ERGIC1: variants seen among roughly 807,000 people sequenced by gnomAD.
ERGIC1 encodes the protein endoplasmic reticulum-Golgi intermediate compartment protein 1.
Under a neutral mutation model 38.3 loss-of-function variants are expected in ERGIC1, and 19 were observed. That is an observed-to-expected ratio of 0.50 (90% confidence interval 0.35 to 0.73). ERGIC1 has a LOEUF of 0.73. Ranked by LOEUF, ERGIC1 falls within the 30% of genes least tolerant of loss-of-function variation. ERGIC1 has a pLI of 0.01. For missense variants in ERGIC1, 294 were observed against 389.2 expected (o/e 0.76, Z 2.06); for synonymous variants, 124 against 157.6 (o/e 0.79, Z 1.60).
chr5:172,909,168 C>CTTTTTTTTTTTTTTTT lies in ERGIC1; in HGVS notation c.156-496_156-481dup, dbSNP rs70984920. Among the ~76,000 whole-genome samples the CTTTTTTTTTTTTTTTT allele has an allele frequency of 4.5e-4, 36 of 80,864 alleles. 1 individual carries two copies. The highest frequency in any genetic ancestry group is 5.7e-4 in the Non-Finnish European group (24 of 42,226). The allele number at this position is 80,864 out of a possible 152,430, so 53.0% of individuals were successfully genotyped here. ...CTTTCCTGAGCCCCAGCCCTCCCCT[C>CTTTTTTTTTTTTTTTT]TTTTTTTTTTTTTTTTTTGAGACGG... On this transcript the variant is annotated intron_variant, in intron 3 of 9. Transcript: ENST00000393784.
intron 9 of ERGIC1, among the ~76,000 whole-genome samples, chr5:172,945,959 C>T (rs1241579036): frequency 1.3e-5 from 2 of 152,242 alleles, no homozygotes; most frequent in Non-Finnish European, 2.9e-5. Context: ...GCAGGGGTTG[C>T]AGGCATGAGC....
intron 1 of ERGIC1, among the ~76,000 whole-genome samples, chr5:172,881,731 G>A (rs116674192): frequency 0.02 from 3,034 of 152,306 alleles, 52 homozygotes; most frequent in Middle Eastern, 0.048. Flanking sequence ...AGGTGTGTGA[G>A]CCTAGCCAAG....
At chr5:172,844,126 G>C (rs567120884) in intron 1 of ERGIC1, among the ~76,000 whole-genome samples, 45 of 152,334 alleles carry the variant, frequency 3.0e-4, no homozygotes, top group African/African-American at 9.6e-4. Flanking sequence ...GTCAGACCCA[G>C]AGTTAGACCC....
At chr5:172,919,494 T>C (rs931146871) in intron 5 of ERGIC1, among the ~76,000 whole-genome samples, 6 of 152,080 alleles carry the variant, frequency 3.9e-5, no homozygotes, top group Admixed American at 1.3e-4. Flanking sequence ...TCTGCTCCCC[T>C]TAGAATGGGC....
chr5:172,840,513 C>T (rs969266316), intron 1 of ERGIC1, among the ~76,000 whole-genome samples: 4 of 152,092 alleles, frequency 2.6e-5, no homozygotes, highest in Admixed American at 2.0e-4. Flanking sequence ...ACAGCCAAGA[C>T]GGAGGAGAAG....
intron 1 of ERGIC1, among the ~76,000 whole-genome samples, chr5:172,875,977 G>A (rs796071028): frequency 1.3e-5 from 2 of 152,310 alleles, no homozygotes; most frequent in African/African-American, 4.8e-5. Flanking sequence ...CTGTAAACTG[G>A]TGGTTAGATC....
intron 9 of ERGIC1, 66 bp from the exon 10 acceptor site, chr5:172,950,643 G>A: frequency 1.4e-6 from 2 of 1,442,154 alleles, no homozygotes; most frequent in Non-Finnish European, 1.9e-6. Context: ...TGTGGGAGGG[G>A]TCTGGCCTGG....
chr5:172,894,754 G>A (rs868225604), intron 2 of ERGIC1, among the ~76,000 whole-genome samples: 33 of 152,292 alleles, frequency 2.2e-4, no homozygotes, highest in South Asian at 1.7e-3. Flanking sequence ...CATGGGCACC[G>A]CCCCCCTCAA....
intron 1 of ERGIC1, among the ~76,000 whole-genome samples, chr5:172,877,237 G>A (rs1013426219): frequency 6.6e-6 from 1 of 151,930 alleles, no homozygotes; most frequent in African/African-American, 2.4e-5. Context: ...TGAATCTATG[G>A]ATAAATTTGG....
At chr5:172,932,266 C>A (rs964645091) in intron 7 of ERGIC1, among the ~76,000 whole-genome samples, 170 bp from the exon 8 acceptor site, 9 of 152,202 alleles carry the variant, frequency 5.9e-5, no homozygotes, top group African/African-American at 1.9e-4. Flanking sequence ...TAGAGTCTCC[C>A]AATTCCCGGT....
In ERGIC1 at chr5:172,834,292, G is replaced by GAGTGGCT; in HGVS notation, c.-118_-117insGCTAGTG. 1 of 956,036 alleles carries GAGTGGCT rather than the reference G, an allele frequency of 1.0e-6. No homozygotes were observed. Among genetic ancestry groups the GAGTGGCT allele is most frequent in the South Asian group, 5.0e-5 (1 of 20,196 alleles). 59.2% of individuals were successfully genotyped at this position (956,036 alleles called of 1,614,324 possible). ...AGGCGAGTGGCGAGTGGCGAGTGGC[G>GAGTGGCT]AGTGTCAGGGGGGCGGCCGGCGGGG... On this transcript the variant is annotated 5_prime_UTR_variant, in exon 1 of 10. Coordinates refer to ENST00000393784, the MANE Select transcript of ERGIC1 (RefSeq NM_001031711.3). The surrounding 1 kb of genome is among the most constrained non-coding windows in gnomAD (Gnocchi z 4.1).
chr5:172,922,272 A>G (rs1763539624), intron 5 of ERGIC1: 2 of 152,276 alleles, frequency 1.3e-5, no homozygotes, highest in Non-Finnish European at 2.9e-5. Context: ...TTTCTGTAAA[A>G]TGGGAATTAT....
intron 1 of ERGIC1, among the ~76,000 whole-genome samples, chr5:172,849,209 C>T (rs1272777572): frequency 1.3e-5 from 2 of 152,198 alleles, no homozygotes; most frequent in Non-Finnish European, 2.9e-5. Context: ...GTAATGCTTT[C>T]AGTTAGATCA....
chr5:172,861,429 G>A (rs970186077), intron 1 of ERGIC1, among the ~76,000 whole-genome samples: 1 of 152,194 alleles, frequency 6.6e-6, no homozygotes, highest in Non-Finnish European at 1.5e-5. Flanking sequence ...TGGGAACCTC[G>A]GTTCCTCAGA....
intron 1 of ERGIC1, among the ~76,000 whole-genome samples, chr5:172,872,116 A>G (rs1762029757): frequency 6.6e-6 from 1 of 152,112 alleles, no homozygotes; most frequent in Admixed American, 6.5e-5. Context: ...GGGCGAGGAC[A>G]TGTACCCCAG....
chr5:172,849,773 C>T (rs1561700498), intron 1 of ERGIC1, among the ~76,000 whole-genome samples: 1 of 152,170 alleles, frequency 6.6e-6, no homozygotes, highest in Non-Finnish European at 1.5e-5. Context: ...CAAGACCTCA[C>T]CCACGCTGTC....
rs141935612 is a variant in ERGIC1 at position 172,836,596 on chromosome 5, G to C, written c.20+2163G>C. On this transcript the variant is annotated intron_variant, in intron 1 of 9. Transcript: ENST00000393784. ...AGGACCTGGGTTCTACTGAGGGTTC[G>C]ACCATCCCCATGCACCTTCCTCCGC... Among the ~76,000 whole-genome samples the C allele has an allele frequency of 8.5e-5, 13 of 152,290 alleles. 1 individual carries two copies. The highest frequency in any genetic ancestry group is 3.1e-4 in the African/African-American group (13 of 41,546).
rs545555961 is a variant in ERGIC1, at chr5:172,932,531, A to G, written c.637A>G (p.Asn213Asp). 5 of 1,614,028 alleles carry G rather than the reference A, an allele frequency of 3.1e-6. No homozygotes were observed. The African/African-American group carries it at 6.7e-5, about 21-fold the overall frequency. ...QRYSYQYTVA[N>D]KEYVAYSHTG... ...GTACTCCTACCAGTACACGGTGGCC[A>G]ACAAGGTGCGCGGGCGGTGGCTGGG... Residue 213 changes from asparagine to aspartate, a missense_variant, in exon 8 of 10, where the codon AAC becomes GAC. By Grantham distance (23) the Asn-to-Asp change is conservative. This residue lies in a region of ERGIC1 where 109 missense variants were observed against 112.7 expected (regional missense o/e 0.97). Transcript: ENST00000393784.
At chr5:172,853,605 C>G (rs1362920439) in intron 1 of ERGIC1, among the ~76,000 whole-genome samples, 1 of 152,210 alleles carries the variant, frequency 6.6e-6, no homozygotes, top group African/African-American at 2.4e-5. Flanking sequence ...ATTCCCATCT[C>G]CCCCCGCCCC....
Sources: gnomAD v4.1 joint callset for allele counts (sites outside exome capture counted in the v4.1 genomes callset) on GRCh38, gnomAD v4.1.1 for gene constraint, gnomAD v4.1.1 regional missense constraint, Gnocchi (gnomAD v3.1) non-coding constraint, MANE v1.5 for transcripts, NCBI Gene and HGNC (gene_info 2026-07-23, HGNC 2026-07-21) for gene names.